The following WDR41 variants were observed in gnomAD, a reference collection of about 807,000 sequenced individuals.
The protein encoded by WDR41 is WD repeat-containing protein 41.
A neutral mutation model predicts 69.3 loss-of-function variants in WDR41; 63 were observed. That is an observed-to-expected ratio of 0.91 (90% confidence interval 0.74 to 1.12). The LOEUF (loss-of-function observed/expected upper bound fraction) is 1.12, where lower values mean the gene tolerates loss of function less well. Ranked by LOEUF, WDR41 falls within the 50% of genes most tolerant of loss-of-function variation. WDR41 has a pLI of 0.00. For missense variants in WDR41, 543 were observed against 534.5 expected, an observed-to-expected ratio of 1.02 and a Z score of -0.16; for synonymous variants, 185 against 192.1, an observed-to-expected ratio of 0.96 and a Z score of 0.31.
At chr5:77,500,408 G>C (rs1802000443) in intron 1 of WDR41, among the ~76,000 whole-genome samples, 1 of 151,808 alleles carries the variant, frequency 6.6e-6, no homozygotes, top group Non-Finnish European at 1.5e-5. Context: ...TGTTTAAAAA[G>C]ATCAGTGAAA....
chr5:77,530,863 T>C (rs989764145), intron 1 of WDR41, among the ~76,000 whole-genome samples: 1 of 151,818 alleles, frequency 6.6e-6, no homozygotes, highest in Non-Finnish European at 1.5e-5. Context: ...AAAGGTAAGA[T>C]GGATTGATGA....
At chr5:77,433,640 C>G (rs1798816525) in intron 12 of WDR41, among the ~76,000 whole-genome samples, 2 of 152,036 alleles carry the variant, frequency 1.3e-5, no homozygotes, top group Non-Finnish European at 2.9e-5. Context: ...CTAAATTTCC[C>G]AAGATAAACA....
At chr5:77,606,905 GA>G (rs1195622632) in intron 1 of WDR41, among the ~76,000 whole-genome samples, 7,361 of 85,608 alleles carry the variant, frequency 0.086, 536 homozygotes, top group African/African-American at 0.24. Context: ...CAATGAAAAA[GA>G]AAAAAAAAAA....
chr5:77,516,507 A>G (rs1581782153), intron 1 of WDR41, among the ~76,000 whole-genome samples: 1 of 152,326 alleles, frequency 6.6e-6, no homozygotes, highest in African/African-American at 2.4e-5. Flanking sequence ...GAGTGCCATA[A>G]TAGAAGTTGG....
chr5:77,433,116 G>GTAT lies in WDR41; in HGVS notation c.*16_*18dup. 1.2e-6 allele frequency: 2 copies of GTAT among 1,602,512 alleles called. No homozygotes were observed. Among genetic ancestry groups the GTAT allele is most frequent in the South Asian group, 2.3e-5 (2 of 88,884 alleles). On this transcript the variant is annotated 3_prime_UTR_variant, in exon 13 of 13. Transcript: ENST00000296679. ...TTTGATGTTCAAGGTTCATGCATGTGTATTTTTAATTCCTTAAACTAGACA... is the reference window on the plus strand; with the variant it reads ...TTTGATGTTCAAGGTTCATGCATGTGTATTATTTTTAATTCCTTAAACTAGACA...
chr5:77,555,592 G>A (rs895489942), intron 1 of WDR41, among the ~76,000 whole-genome samples: 13 of 152,102 alleles, frequency 8.5e-5, no homozygotes, highest in African/African-American at 3.1e-4. Flanking sequence ...TTACAGGTGT[G>A]AGCCACCCCG....
chr5:77,537,112 C>T (rs1743002030), intron 1 of WDR41, among the ~76,000 whole-genome samples: 1 of 152,214 alleles, frequency 6.6e-6, no homozygotes, highest in East Asian at 1.9e-4. Context: ...TCAGTACAGA[C>T]ATTTTGGTGC....
rs111360205 is a variant in WDR41, at chr5:77,564,248, G to A, written c.42+56231C>T. On this transcript the variant is annotated intron_variant, in intron 1 of 5. Coordinates refer to the WDR41 transcript ENST00000509971. Reference sequence around the variant, plus strand: ...GGAACCACTGAATAACTGATAGAAAGGTTAACTGTCAAATTGCATTCTTGG... The same window carrying A: ...GGAACCACTGAATAACTGATAGAAAAGTTAACTGTCAAATTGCATTCTTGG... Among the ~76,000 whole-genome samples the A allele has an allele frequency of 9.2e-3, 1,399 of 152,158 alleles. 28 individuals carry two copies. Among genetic ancestry groups the A allele is most frequent in the African/African-American group, 0.03 (1,245 of 41,494 alleles).
intron 1 of WDR41, among the ~76,000 whole-genome samples, chr5:77,595,885 A>G (rs982778629): frequency 4.1e-4 from 62 of 152,296 alleles, no homozygotes; most frequent in African/African-American, 1.4e-3. Context: ...AAAATAGACA[A>G]TTTTGTGGAA....
chr5:77,495,118 G>A (rs570349903), upstream of WDR41, among the ~76,000 whole-genome samples: 19 of 152,094 alleles, frequency 1.2e-4, 1 homozygote, highest in South Asian at 3.3e-3. Flanking sequence ...AAAACTTACG[G>A]GATGCGGTAA....
intron 1 of WDR41, among the ~76,000 whole-genome samples, chr5:77,570,648 C>A (rs946333457): frequency 2.6e-5 from 4 of 151,294 alleles, no homozygotes; most frequent in Non-Finnish European, 5.9e-5. Flanking sequence ...TTTAAAGGTG[C>A]AAGTTCCAAA....
chr5:77,615,626 T>C (rs1166841008), intron 1 of WDR41, among the ~76,000 whole-genome samples: 1 of 146,370 alleles, frequency 6.8e-6, no homozygotes, highest in Non-Finnish European at 1.5e-5. Flanking sequence ...TTTCCAATAT[T>C]GCCAGCAACT....
chr5:77,540,550 C>T (rs1246509851), intron 1 of WDR41: 1 of 152,058 alleles, frequency 6.6e-6, no homozygotes, highest in African/African-American at 2.4e-5. Context: ...TAAAAAATAA[C>T]AAAAATTAGT....
chr5:77,515,774 C>T (rs1300930964), intron 1 of WDR41, among the ~76,000 whole-genome samples: 1 of 152,018 alleles, frequency 6.6e-6, no homozygotes, highest in Non-Finnish European at 1.5e-5. Context: ...AATCATTAGG[C>T]AGTATAGGAT....
At chr5:77,553,701 T>A (rs538420396) in intron 1 of WDR41, among the ~76,000 whole-genome samples, 1 of 152,186 alleles carries the variant, frequency 6.6e-6, no homozygotes, top group African/African-American at 2.4e-5. Flanking sequence ...TTCAATATCA[T>A]AAGCTGTTAG....
chr5:77,525,654 C>T (rs569366894), intron 1 of WDR41, among the ~76,000 whole-genome samples: 30 of 152,214 alleles, frequency 2.0e-4, no homozygotes, highest in African/African-American at 6.7e-4. Flanking sequence ...TCCTTAAGAC[C>T]ACTAAAATTT....
At chr5:77,613,247 T>C (rs75499455) in intron 1 of WDR41, among the ~76,000 whole-genome samples, 16 of 151,882 alleles carry the variant, frequency 1.1e-4, no homozygotes, top group Admixed American at 4.6e-4. Flanking sequence ...TCAATGCCAT[T>C]CCCATCAAGC....
chr5:77,587,195 T>A (rs546965324), intron 1 of WDR41, among the ~76,000 whole-genome samples: 25 of 152,002 alleles, frequency 1.6e-4, no homozygotes, highest in Non-Finnish European at 3.1e-4. Context: ...CTGAAGTTTA[T>A]ATAAATGATA....
At position 77,460,959 on chromosome 5, in the gene WDR41, G is replaced by A. The variant is rs1184476065; in HGVS notation, c.349-1835C>T. Among the ~76,000 whole-genome samples the A allele has an allele frequency of 5.9e-5, 9 of 152,050 alleles. No individual in the cohort carries two copies. The South Asian group carries it at 6.2e-4, about 11-fold the overall frequency. ...GGGTAAGAGAGACTGCCAAATAAGC[G>A]GCCTAGAATTTTTTTCTAACAACAA... On this transcript the variant is annotated intron_variant, in intron 4 of 12. Coordinates refer to ENST00000296679, the MANE Select transcript of WDR41 (RefSeq NM_018268.4).
Sources: gnomAD v4.1 joint callset for allele counts (sites outside exome capture counted in the v4.1 genomes callset) on GRCh38, gnomAD v4.1.1 for gene constraint, MANE v1.5 for transcripts, NCBI Gene and HGNC (gene_info 2026-07-23, HGNC 2026-07-21) for gene names.